The following NPAS2 variants were observed in gnomAD, a reference collection of about 807,000 sequenced individuals.
NPAS2 encodes neuronal PAS domain-containing protein 2.
A neutral mutation model predicts 107.5 loss-of-function variants in NPAS2; 23 were observed. That is an observed-to-expected ratio of 0.21 (90% CI 0.15 to 0.30). The LOEUF (loss-of-function observed/expected upper bound fraction) is 0.30, where lower values mean the gene tolerates loss of function less well. NPAS2 is among the 10% of genes least tolerant of loss of function. The pLI is 1.00. For synonymous variants in NPAS2, 403 were observed against 417.5 expected (o/e 0.97, Z 0.42); for missense variants, 756 against 1,043.3 (o/e 0.72, Z 3.79).
In NPAS2 at chr2:100,965,939, C is replaced by T. The variant is rs147371207; in HGVS notation, c.907+173C>T. On this transcript the variant is annotated intron_variant, in intron 10 of 20. Transcript: ENST00000335681. This position sits in a 1 kb window ranked among gnomAD's most constrained non-coding sequence, Gnocchi z 4.3. ...GGGCATGGTGGAGGCCCCTTATCCG[C>T]GTCTACCCCCATGTCACTGGAATTC... is the stretch of plus-strand genomic sequence containing the variant. Among the ~76,000 whole-genome samples the T allele has an allele frequency of 2.6e-5, 4 of 152,278 alleles. No individual in the cohort carries two copies. The East Asian group carries it at 7.7e-4, about 29-fold the overall frequency.
In NPAS2 at chr2:100,965,584, G is replaced by A; in HGVS notation, c.801-76G>A. 2 of 851,852 alleles carry A rather than the reference G, an allele frequency of 2.3e-6. No homozygotes were observed. The highest frequency in any genetic ancestry group is 3.8e-6 in the Non-Finnish European group (2 of 519,864). 52.8% of individuals were successfully genotyped at this position (851,852 alleles called of 1,614,324 possible). On this transcript the variant is annotated intron_variant, in intron 9 of 20. Transcript: ENST00000335681. This position sits in a 1 kb window ranked among gnomAD's most constrained non-coding sequence, Gnocchi z 4.3. ...ATGAGGCCTCCATGTTGATCATTAT[G>A]GAAAGGCATGGCCACCAGGGTGAGC...
At chr2:100,975,851 C>T (rs1003923109) in intron 14 of NPAS2, among the ~76,000 whole-genome samples, 2 of 152,136 alleles carry the variant, frequency 1.3e-5, no homozygotes, top group Non-Finnish European at 2.9e-5. Flanking sequence ...CCCTCATACC[C>T]CCAGAGCCCC....
chr2:100,842,081 G>GCGCGCGCGCGCGCACACACACA, intron 1 of NPAS2, among the ~76,000 whole-genome samples: 30 of 148,798 alleles, frequency 2.0e-4, no homozygotes, highest in East Asian at 5.9e-4. Context: ...GCATGTACGC[G>GCGCGCGCGCGCGCACACACACA]CACACACACA....
chr2:100,891,700 G>A (rs140321519), intron 1 of NPAS2, among the ~76,000 whole-genome samples: 13 of 152,278 alleles, frequency 8.5e-5, no homozygotes, highest in South Asian at 4.1e-4. Context: ...AACCTCCTAC[G>A]TTTTGATTAA....
In NPAS2 at chr2:100,870,933, C is replaced by T. The variant is rs529468492; in HGVS notation, c.-22-33800C>T. Among the ~76,000 whole-genome samples the T allele has an allele frequency of 5.9e-5, 9 of 152,346 alleles. 1 individual carries two copies. In the East Asian group the frequency reaches 1.5e-3, roughly 26 times the overall value. ...GTGTGCCCTCTAGTGGCACCTTGGA[C>T]TTTGGACCAGTCAAGTCTTTTATCA... On this transcript the variant is annotated intron_variant, in intron 1 of 20. Coordinates refer to ENST00000335681, the MANE Select transcript of NPAS2 (RefSeq NM_002518.4).
chr2:100,864,735 G>T (rs1679154228), intron 1 of NPAS2, among the ~76,000 whole-genome samples: 1 of 152,186 alleles, frequency 6.6e-6, no homozygotes, highest in Admixed American at 6.5e-5. Flanking sequence ...ATTTAGAGCA[G>T]CAGTTCCCAA....
rs1334013375 is a variant in NPAS2, at chr2:100,954,692, AAAG to A, written c.598+5215_598+5217del. ...AAAAAAAAAAAAAAGAAAAAAAAGA[AAAG>A]AAAAAAGAAACTAGAAAACATAGCT... On this transcript the variant is annotated intron_variant, in intron 7 of 20. Coordinates refer to ENST00000335681, the MANE Select transcript of NPAS2 (RefSeq NM_002518.4). Among the ~76,000 whole-genome samples, 963 of 150,932 alleles carry A rather than the reference AAAG, an allele frequency of 6.4e-3. 9 individuals carry two copies. Among genetic ancestry groups the A allele is most frequent in the African/African-American group, 0.022 (917 of 40,990 alleles).
chr2:100,995,367 C>T (rs1465612677), intron 20 of NPAS2, 33 bp from the exon 21 acceptor site: 2 of 1,579,254 alleles, frequency 1.3e-6, no homozygotes, highest in Non-Finnish European at 1.7e-6. Context: ...ACATCAGAAC[C>T]ACCTCTGAAG....
chr2:100,855,065 T>C lies in NPAS2; in HGVS notation c.-23+34651T>C, dbSNP rs1159142661. Among the ~76,000 whole-genome samples the C allele has an allele frequency of 2.6e-5, 4 of 152,384 alleles. No homozygotes were observed. The East Asian group carries it at 5.8e-4, about 22-fold the overall frequency. On this transcript the variant is annotated intron_variant, in intron 1 of 20. Coordinates refer to ENST00000335681, the MANE Select transcript of NPAS2 (RefSeq NM_002518.4). ...ATAAAGTGTATTTTCAAAATTATAC[T>C]CACCCATATAGCTTTACTTGTAAAA...
Position 100,820,457 on chromosome 2 carries a change from AG to A in NPAS2, c.-23+44del, listed in dbSNP as rs1288805603. The A allele has an allele frequency of 2.0e-5, 3 of 150,204 alleles. No individual in the cohort carries two copies. The highest frequency in any genetic ancestry group is 7.3e-5 in the African/African-American group (3 of 41,018). 9.3% of individuals were successfully genotyped at this position (150,204 alleles called of 1,614,324 possible). On this transcript the variant is annotated intron_variant, in intron 1 of 20. Coordinates refer to ENST00000335681, the MANE Select transcript of NPAS2 (RefSeq NM_002518.4). The surrounding 1 kb of genome is among the most constrained non-coding windows in gnomAD (Gnocchi z 5.6). ...GGGGCGCGGGGGACCCAGGGTGGGT[AG>A]TACGTGCGCGCGGGGTCGCAGGACT... is the stretch of plus-strand genomic sequence containing the variant.
chr2:100,879,212 G>T (rs1680178964), intron 1 of NPAS2, among the ~76,000 whole-genome samples: 1 of 152,026 alleles, frequency 6.6e-6, no homozygotes. Flanking sequence ...TTGCTTCATT[G>T]ATAATTATAT....
At chr2:100,849,961 C>T (rs943086018) in intron 1 of NPAS2, among the ~76,000 whole-genome samples, 5 of 145,224 alleles carry the variant, frequency 3.4e-5, no homozygotes, top group Non-Finnish European at 6.0e-5. Context: ...TCACTTTACC[C>T]TATATAGCCA....
chr2:100,971,112 G>A, intron 12 of NPAS2, 38 bp downstream of exon 12: 1 of 1,594,312 alleles, frequency 6.3e-7, no homozygotes, highest in Non-Finnish European at 8.6e-7. Flanking sequence ...GGCAAAGGTT[G>A]GCTAGGAAGA....
At chr2:100,978,790 G>T (rs958683395) in intron 15 of NPAS2, among the ~76,000 whole-genome samples, 4 of 152,362 alleles carry the variant, frequency 2.6e-5, no homozygotes, top group African/African-American at 9.6e-5. Context: ...GAAGTCTGAC[G>T]TGGCTTCCTG....
intron 16 of NPAS2, chr2:100,985,035 G>T (rs183451970): frequency 6.6e-6 from 1 of 152,182 alleles, no homozygotes; most frequent in African/African-American, 2.4e-5. Context: ...GAGAGCATGC[G>T]CGCCCTCTGC....
intron 1 of NPAS2, among the ~76,000 whole-genome samples, chr2:100,856,937 C>T (rs1454229371): frequency 6.6e-6 from 1 of 152,116 alleles, no homozygotes; most frequent in African/African-American, 2.4e-5. Flanking sequence ...AGTGGTAGGG[C>T]GTGCATTTCT....
At position 100,881,627 on chromosome 2, in the gene NPAS2, G is replaced by A. The variant is rs189059623; in HGVS notation, c.-22-23106G>A. Reference sequence around the variant, plus strand: ...CTTGAACCCAGGAGGCGGAGGTTGCGGTGAGCTGAGATCACAGCACTGCAC... The same window carrying A: ...CTTGAACCCAGGAGGCGGAGGTTGCAGTGAGCTGAGATCACAGCACTGCAC... On this transcript the variant is annotated intron_variant, in intron 1 of 20. Transcript: ENST00000335681. 3.2e-4 allele frequency among the ~76,000 whole-genome samples: 48 copies of A among 152,164 alleles called. 2 individuals are homozygous for A. In the East Asian group the frequency reaches 7.9e-3, roughly 25 times the overall value.
In NPAS2 at chr2:100,977,782, C is replaced by T; in HGVS notation, c.1465C>T (p.Pro489Ser). 1 of 1,614,090 alleles carries T rather than the reference C, an allele frequency of 6.2e-7. No individual in the cohort carries two copies. Among genetic ancestry groups the T allele is most frequent in the Non-Finnish European group, 8.5e-7 (1 of 1,180,004 alleles). The change falls in exon 15 of 21, where the codon CCC becomes TCC. Residue 489 changes from proline (P) to serine (S), a missense_variant. Pro to Ser is a moderately conservative substitution (Grantham distance 74, BLOSUM62 -1). Transcript: ENST00000335681. Reference protein sequence around the residue: ...LLPQTVLQSTPAPMAQFSAQF... With the variant: ...LLPQTVLQSTSAPMAQFSAQF... ...GCCTCAGACCGTTCTGCAGAGCACG[C>T]CCGCTCCCATGGCACAGGTGAGTCT...
intron 1 of NPAS2, among the ~76,000 whole-genome samples, chr2:100,897,470 A>G (rs1373958629): frequency 1.3e-5 from 2 of 152,146 alleles, no homozygotes; most frequent in East Asian, 3.9e-4. Context: ...CACATAAAGC[A>G]AAAGCCACAA....
Sources: gnomAD v4.1 joint callset for allele counts (sites outside exome capture counted in the v4.1 genomes callset) on GRCh38, gnomAD v4.1.1 for gene constraint, Gnocchi (gnomAD v3.1) non-coding constraint, MANE v1.5 for transcripts, NCBI Gene and HGNC (gene_info 2026-07-23, HGNC 2026-07-21) for gene names.